The following SLC4A4 variants were observed in gnomAD, a reference collection of about 807,000 sequenced individuals.
SLC4A4 encodes the protein solute carrier family 4 member 4.
In SLC4A4, 27 loss-of-function variants were observed where a neutral mutation model predicts 111.5. That is an observed-to-expected ratio of 0.24 (90% CI 0.18 to 0.33). The LOEUF is 0.33. Ranked by LOEUF, SLC4A4 falls within the 10% of genes least tolerant of loss-of-function variation. The pLI, the probability that SLC4A4 is intolerant of heterozygous loss-of-function variation, is 1.00. For missense variants in SLC4A4, 909 were observed against 1,315.5 expected (o/e 0.69, Z 4.78); for synonymous variants, 443 against 463.4 (o/e 0.96, Z 0.57).
rs146387501 is a variant in SLC4A4 at position 71,112,728 on chromosome 4, G to A, written c.-2+19936G>A. ...TGGTCATTCTGTTTCAGTAGATCTG[G>A]AGTGGGACCTGGGAATCTCTCTTTT... On this transcript the variant is annotated intron_variant, in intron 2 of 26. Coordinates refer to the SLC4A4 transcript ENST00000649996. Among the ~76,000 whole-genome samples, 201 of 152,276 alleles carry A rather than the reference G, an allele frequency of 1.3e-3. 2 individuals are homozygous for A. The highest frequency in any genetic ancestry group is 4.5e-3 in the African/African-American group (186 of 41,556).
intron 2 of SLC4A4, among the ~76,000 whole-genome samples, chr4:71,125,744 T>C (rs1233419768): frequency 1.3e-5 from 2 of 152,214 alleles, no homozygotes; most frequent in Non-Finnish European, 2.9e-5. Context: ...ATTAATAAAC[T>C]AAACACATGA....
At chr4:71,402,914 C>G (rs1199067191) in intron 7 of SLC4A4, among the ~76,000 whole-genome samples, 4 of 152,170 alleles carry the variant, frequency 2.6e-5, no homozygotes, top group Non-Finnish European at 5.9e-5. Context: ...GCTTCCTTTT[C>G]CCATTCTATG....
intron 23 of SLC4A4, among the ~76,000 whole-genome samples, 165 bp downstream of exon 23, chr4:71,560,419 G>T (rs200515368): frequency 9.9e-6 from 1 of 100,538 alleles, no homozygotes; most frequent in African/African-American, 3.3e-5. Context: ...ATATTCTCTG[G>T]TTTTTTATGT....
intron 1 of SLC4A4, among the ~76,000 whole-genome samples, chr4:71,086,229 G>A (rs1367784189): frequency 1.3e-5 from 2 of 151,728 alleles, no homozygotes; most frequent in African/African-American, 2.4e-5. Context: ...GTATAAGAAT[G>A]CTTGTGATTT....
chr4:71,079,203 C>T (rs1741925291), intron 1 of SLC4A4, among the ~76,000 whole-genome samples: 1 of 152,068 alleles, frequency 6.6e-6, no homozygotes, highest in Non-Finnish European at 1.5e-5. Flanking sequence ...GCTTCTCTGG[C>T]CAGGCTGTGA....
At chr4:71,447,342 T>C (rs1218584936) in intron 8 of SLC4A4, among the ~76,000 whole-genome samples, 1 of 152,190 alleles carries the variant, frequency 6.6e-6, no homozygotes, top group Non-Finnish European at 1.5e-5. Context: ...AAAAAAAGTT[T>C]AAAATAGAAA....
At chr4:71,433,764 T>C (rs1723858494) in intron 7 of SLC4A4, among the ~76,000 whole-genome samples, 3 of 152,232 alleles carry the variant, frequency 2.0e-5, no homozygotes, top group South Asian at 4.1e-4. Flanking sequence ...GTTATACATA[T>C]TAAACAATCT....
intron 3 of SLC4A4, among the ~76,000 whole-genome samples, chr4:71,260,054 T>C (rs1229629668): frequency 6.6e-6 from 1 of 152,178 alleles, no homozygotes; most frequent in East Asian, 1.9e-4. Context: ...TATTCTTTTT[T>C]AGCTTTTTGG....
At chr4:71,465,133 C>A (rs531553356) in intron 12 of SLC4A4, among the ~76,000 whole-genome samples, 2 of 151,832 alleles carry the variant, frequency 1.3e-5, no homozygotes, top group Non-Finnish European at 2.9e-5. Context: ...GGGGTCATTT[C>A]AATTAAAAGG....
At chr4:71,246,855 T>C (rs1254268047) in intron 2 of SLC4A4, among the ~76,000 whole-genome samples, 3 of 152,148 alleles carry the variant, frequency 2.0e-5, no homozygotes, top group South Asian at 4.1e-4. Flanking sequence ...GGAGTCCTAG[T>C]CTCTATACGT....
intron 6 of SLC4A4, among the ~76,000 whole-genome samples, chr4:71,377,686 G>A (rs1475583233): frequency 1.3e-5 from 2 of 152,142 alleles, no homozygotes; most frequent in Non-Finnish European, 2.9e-5. Context: ...CAGGCTAATA[G>A]AAGCCTTCTC....
At chr4:71,137,597 C>T (rs1743880273) in intron 2 of SLC4A4, among the ~76,000 whole-genome samples, 1 of 152,194 alleles carries the variant, frequency 6.6e-6, no homozygotes, top group East Asian at 1.9e-4. Flanking sequence ...TCTGCCACAA[C>T]TTCATTCTTC....
At chr4:71,159,473 T>C (rs1744564750) in intron 2 of SLC4A4, among the ~76,000 whole-genome samples, 1 of 152,042 alleles carries the variant, frequency 6.6e-6, no homozygotes, top group African/African-American at 2.4e-5. Context: ...TCCTGGTTCT[T>C]GCACCTTAGC....
intron 1 of SLC4A4, among the ~76,000 whole-genome samples, chr4:71,187,859 C>T (rs1645516859): frequency 6.6e-6 from 1 of 151,982 alleles, no homozygotes. Context: ...TTGGTGCTAC[C>T]GAGGCCGCGG....
At chr4:71,270,651 C>T (rs1288101329) in intron 3 of SLC4A4, among the ~76,000 whole-genome samples, 1 of 152,124 alleles carries the variant, frequency 6.6e-6, no homozygotes, top group Non-Finnish European at 1.5e-5. Context: ...TAAAAACATC[C>T]CCTACTCTGA....
chr4:71,152,400 T>C (rs1744333217), intron 2 of SLC4A4, among the ~76,000 whole-genome samples: 1 of 152,190 alleles, frequency 6.6e-6, no homozygotes, highest in Non-Finnish European at 1.5e-5. Context: ...ACATTACATT[T>C]GGGGGATTCT....
chr4:71,198,573 A>G (rs932508328), intron 1 of SLC4A4, among the ~76,000 whole-genome samples: 28 of 150,278 alleles, frequency 1.9e-4, no homozygotes, highest in Admixed American at 1.0e-3. Flanking sequence ...GTCTTGAACA[A>G]TGAAGTGTAA....
chr4:71,141,096 T>A (rs1743980975), intron 2 of SLC4A4, among the ~76,000 whole-genome samples: 1 of 152,164 alleles, frequency 6.6e-6, no homozygotes, highest in African/African-American at 2.4e-5. Context: ...GCAATAGAAC[T>A]CAAAAAAGAA....
chr4:71,179,776 C>T (rs1560762090), intron 2 of SLC4A4, among the ~76,000 whole-genome samples: 1 of 152,096 alleles, frequency 6.6e-6, no homozygotes, highest in Non-Finnish European at 1.5e-5. Context: ...GCCATGCTGC[C>T]CAAGGTAATT....
Sources: gnomAD v4.1 joint callset for allele counts (sites outside exome capture counted in the v4.1 genomes callset) on GRCh38, gnomAD v4.1.1 for gene constraint, MANE v1.5 for transcripts, NCBI Gene and HGNC (gene_info 2026-07-23, HGNC 2026-07-21) for gene names.